Variants in TNFAIP8 observed in about 807,000 individuals in gnomAD.
TNFAIP8 encodes tumor necrosis factor alpha-induced protein 8.
TNFAIP8 carries 7 observed loss-of-function variants against 13.3 expected under a neutral mutation model. The ratio of observed to expected loss-of-function variants is 0.52; its 90% CI spans 0.30 to 0.99. The LOEUF (loss-of-function observed/expected upper bound fraction) is 0.99, where lower values mean the gene tolerates loss of function less well. TNFAIP8 is among the 50% of genes least tolerant of loss of function. The pLI is 0.07. For missense variants in TNFAIP8, 258 were observed against 236.9 expected (o/e 1.09, Z -0.58); for synonymous variants, 94 against 87.6 (o/e 1.07, Z -0.41).
chr5:119,318,628 G>GTGA (rs1386215908), intron 1 of TNFAIP8, among the ~76,000 whole-genome samples: 11 of 150,564 alleles, frequency 7.3e-5, no homozygotes, highest in African/African-American at 2.7e-4. Flanking sequence ...TGAATCTGGA[G>GTGA]TGATACCTGT....
At chr5:119,334,624 CGT>C (rs59714206) in intron 1 of TNFAIP8, among the ~76,000 whole-genome samples, 40,754 of 135,398 alleles carry the variant, frequency 0.3, 5,969 homozygotes, top group East Asian at 0.45. Flanking sequence ...GTGATCCTTT[CGT>C]GTGTGTGTGT....
intron 1 of TNFAIP8, among the ~76,000 whole-genome samples, chr5:119,373,363 C>A (rs1477645751): frequency 6.6e-6 from 1 of 152,176 alleles, no homozygotes; most frequent in Non-Finnish European, 1.5e-5. Flanking sequence ...TCATTCATTT[C>A]ATTTAGAAGC....
intron 1 of TNFAIP8, among the ~76,000 whole-genome samples, chr5:119,320,212 A>G (rs1012737555): frequency 6.6e-6 from 1 of 152,160 alleles, no homozygotes; most frequent in African/African-American, 2.4e-5. Context: ...GAAAATGAAA[A>G]ATGAAGATAC....
At chr5:119,284,667 C>T (rs1186228584) in intron 1 of TNFAIP8, among the ~76,000 whole-genome samples, 2 of 150,704 alleles carry the variant, frequency 1.3e-5, no homozygotes, top group Non-Finnish European at 2.9e-5. Context: ...GGTGACAGAG[C>T]GAGGCTCCAT....
chr5:119,286,391 G>A (rs1748778025), intron 1 of TNFAIP8, among the ~76,000 whole-genome samples: 1 of 152,204 alleles, frequency 6.6e-6, no homozygotes, highest in African/African-American at 2.4e-5. Flanking sequence ...GGAGGCCGAG[G>A]TGGGTGGATC....
At chr5:119,283,060 A>T in intron 1 of TNFAIP8, among the ~76,000 whole-genome samples, 1 of 152,194 alleles carries the variant, frequency 6.6e-6, no homozygotes, top group Non-Finnish European at 1.5e-5. Context: ...GAGACAGGTG[A>T]GTTGGTGACC....
intron 1 of TNFAIP8, among the ~76,000 whole-genome samples, chr5:119,368,998 T>G (rs919104652): frequency 1.3e-5 from 2 of 151,740 alleles, no homozygotes. Context: ...AATAGGATGC[T>G]TTTAGGGAAA....
intron 1 of TNFAIP8, among the ~76,000 whole-genome samples, chr5:119,319,186 G>C (rs1483329133): frequency 6.6e-6 from 1 of 152,138 alleles, no homozygotes; most frequent in African/African-American, 2.4e-5. Context: ...AGGCGGGAGA[G>C]TCACTTGAAC....
Position 119,392,850 on chromosome 5 carries a change from C to T in TNFAIP8, c.66C>T (p.Ala22=), listed in dbSNP as rs548374344. The T allele has an allele frequency of 6.6e-4, 1,019 of 1,553,854 alleles. 25 individuals carry two copies. The South Asian group carries it at 0.011, about 17-fold the overall frequency. The change falls in exon 2 of 2, where the codon GCC becomes GCT. Residue 22 remains alanine (A), a synonymous_variant. Coordinates refer to ENST00000504771, the MANE Select transcript of TNFAIP8 (RefSeq NM_014350.4). ...ATDVFNSKNL[A]VQAQKKILGK... is the part of the protein sequence containing the mutation. ...ATGTCTTTAATTCCAAAAACCTGGC[C>T]GTTCAGGCACAAAAGAAGATCTTGG...
chr5:119,294,569 G>C (rs1287264959), intron 1 of TNFAIP8, among the ~76,000 whole-genome samples: 2 of 152,096 alleles, frequency 1.3e-5, no homozygotes, highest in Non-Finnish European at 2.9e-5. Context: ...CCCAGTAATG[G>C]ATGGCTGGGT....
At chr5:119,316,323 C>T (rs1339208761) in intron 1 of TNFAIP8, 1 of 152,090 alleles carries the variant, frequency 6.6e-6, no homozygotes, top group Non-Finnish European at 1.5e-5. Flanking sequence ...CCATGCCCAG[C>T]TAAGTTTCAT....
chr5:119,311,999 AG>A (rs1356363508), intron 1 of TNFAIP8, among the ~76,000 whole-genome samples: 1 of 152,232 alleles, frequency 6.6e-6, no homozygotes, highest in Admixed American at 6.5e-5. Flanking sequence ...CATGACAGAA[AG>A]AAAAAAGAGC....
intron 1 of TNFAIP8, among the ~76,000 whole-genome samples, chr5:119,366,552 A>T (rs1751864318): frequency 6.6e-6 from 1 of 152,186 alleles, no homozygotes; most frequent in Admixed American, 6.5e-5. Flanking sequence ...AAAATGGCAA[A>T]TGATGAAGTA....
chr5:119,369,214 C>G (rs1014472904), intron 1 of TNFAIP8, among the ~76,000 whole-genome samples: 2 of 152,002 alleles, frequency 1.3e-5, no homozygotes, highest in Non-Finnish European at 2.9e-5. Flanking sequence ...TGACCATGCC[C>G]AGCTAATTTT....
At chr5:119,270,331 A>G (rs890632550) in intron 1 of TNFAIP8, among the ~76,000 whole-genome samples, 2 of 152,274 alleles carry the variant, frequency 1.3e-5, no homozygotes, top group African/African-American at 4.8e-5. Flanking sequence ...ATCTCTCTTT[A>G]AGGAAAGAAA....
chr5:119,292,699 A>C (rs1424399430), intron 1 of TNFAIP8, among the ~76,000 whole-genome samples: 1 of 76,720 alleles, frequency 1.3e-5, no homozygotes, highest in Non-Finnish European at 3.1e-5. Flanking sequence ...CACACACACA[A>C]TGAAATACTA....
intron 1 of TNFAIP8, among the ~76,000 whole-genome samples, chr5:119,338,207 CACA>C (rs1562006805): frequency 0.026 from 3,651 of 143,020 alleles, 152 homozygotes; most frequent in African/African-American, 0.1. Flanking sequence ...CACACACACA[CACA>C]CCTTCTCAGC....
chr5:119,326,215 G>A (rs1414862562), intron 1 of TNFAIP8, among the ~76,000 whole-genome samples: 1 of 152,196 alleles, frequency 6.6e-6, no homozygotes, highest in African/African-American at 2.4e-5. Flanking sequence ...TAGGGCTGAT[G>A]AGGTGTGTAT....
intron 1 of TNFAIP8, among the ~76,000 whole-genome samples, chr5:119,383,693 A>G (rs1752570555): frequency 6.6e-6 from 1 of 152,170 alleles, no homozygotes; most frequent in Non-Finnish European, 1.5e-5. Flanking sequence ...AAACAAATCT[A>G]AGTTGTCTCT....
Sources: gnomAD v4.1 joint callset for allele counts (sites outside exome capture counted in the v4.1 genomes callset) on GRCh38, gnomAD v4.1.1 for gene constraint, MANE v1.5 for transcripts, NCBI Gene and HGNC (gene_info 2026-07-23, HGNC 2026-07-21) for gene names.